The following NRG1 variants were observed in gnomAD, a reference collection of about 807,000 sequenced individuals.
NRG1 encodes pro-neuregulin-1, membrane-bound isoform.
NRG1 carries 18 observed loss-of-function variants against 63.8 expected under a neutral mutation model. The observed-to-expected ratio is 0.28, with a 90% confidence interval of 0.19 to 0.42. The LOEUF is 0.42. NRG1 is among the 10% of genes least tolerant of loss of function. NRG1 has a pLI of 1.00. For missense variants in NRG1, 762 were observed against 814.7 expected, an observed-to-expected ratio of 0.94 and a Z score of 0.79; for synonymous variants, 302 against 301.3, an observed-to-expected ratio of 1.00 and a Z score of -0.02.
At chr8:32,630,626 AGTTT>A (rs1260606783) in intron 5 of NRG1, among the ~76,000 whole-genome samples, 1 of 152,198 alleles carries the variant, frequency 6.6e-6, no homozygotes, top group Non-Finnish European at 1.5e-5. Flanking sequence ...CATAGCTTTT[AGTTT>A]AAGTTTCAGA....
chr8:32,274,223 G>C (rs1477626977), intron 1 of NRG1, among the ~76,000 whole-genome samples: 1 of 152,174 alleles, frequency 6.6e-6, no homozygotes, highest in African/African-American at 2.4e-5. Flanking sequence ...TCCTTGTGCA[G>C]TTATGTTACA....
At chr8:32,728,430 C>A (rs778195687) in intron 6 of NRG1, 2 of 985,060 alleles carry the variant, frequency 2.0e-6, no homozygotes, top group Non-Finnish European at 2.4e-6. Flanking sequence ...CTTCTACATC[C>A]AATGTATGAA....
chr8:32,217,403 T>C (rs1845360371), intron 1 of NRG1, among the ~76,000 whole-genome samples: 1 of 152,000 alleles, frequency 6.6e-6, no homozygotes, highest in Non-Finnish European at 1.5e-5. Context: ...CGTCCCCTGC[T>C]CTGCTAGTCA....
intron 1 of NRG1, among the ~76,000 whole-genome samples, chr8:31,910,561 G>A (rs532252135): frequency 6.6e-6 from 1 of 152,282 alleles, no homozygotes; most frequent in Admixed American, 6.5e-5. Flanking sequence ...GAATTCCACT[G>A]TGGAAATGTC....
intron 1 of NRG1, among the ~76,000 whole-genome samples, chr8:32,455,222 G>T (rs1018232326): frequency 9.2e-5 from 14 of 152,124 alleles, no homozygotes; most frequent in Admixed American, 9.2e-4. Flanking sequence ...TTGGCCAGAA[G>T]AAAATCACTT....
chr8:32,440,967 T>C (rs939581217), intron 1 of NRG1, among the ~76,000 whole-genome samples: 1 of 152,142 alleles, frequency 6.6e-6, no homozygotes, highest in Non-Finnish European at 1.5e-5. Context: ...AATTGTGTAT[T>C]TATTAGAAAA....
chr8:32,053,652 C>A (rs1452729511), intron 1 of NRG1, among the ~76,000 whole-genome samples: 1 of 152,124 alleles, frequency 6.6e-6, no homozygotes. Flanking sequence ...TAACAAGGGT[C>A]AAAGATTAAA....
chr8:32,174,940 C>T (rs1840530896), intron 1 of NRG1, among the ~76,000 whole-genome samples: 1 of 152,150 alleles, frequency 6.6e-6, no homozygotes, highest in African/African-American at 2.4e-5. Context: ...GAAACTATTC[C>T]AATCAATAGA....
intron 1 of NRG1, among the ~76,000 whole-genome samples, chr8:32,211,680 T>A (rs1844716171): frequency 6.6e-6 from 1 of 152,202 alleles, no homozygotes. Flanking sequence ...TTTATTTATG[T>A]TTAACATCGA....
chr8:32,305,273 T>C (rs765064126), intron 1 of NRG1, among the ~76,000 whole-genome samples: 1 of 152,214 alleles, frequency 6.6e-6, no homozygotes, highest in African/African-American at 2.4e-5. Flanking sequence ...CTTATTTTAA[T>C]GTTCAGATTG....
intron 1 of NRG1, among the ~76,000 whole-genome samples, chr8:32,325,065 A>G (rs983741907): frequency 6.6e-6 from 1 of 152,224 alleles, no homozygotes; most frequent in Non-Finnish European, 1.5e-5. Context: ...TTTTATTGTC[A>G]TCGCCATCCA....
chr8:32,654,329 T>C (rs1676417842), intron 5 of NRG1, among the ~76,000 whole-genome samples: 1 of 152,232 alleles, frequency 6.6e-6, no homozygotes, highest in Admixed American at 6.5e-5. Context: ...AGATGTCTTC[T>C]TTAGAGAAGA....
intron 1 of NRG1, among the ~76,000 whole-genome samples, chr8:32,091,452 T>G (rs927806790): frequency 3.9e-5 from 6 of 152,144 alleles, no homozygotes; most frequent in Non-Finnish European, 8.8e-5. Context: ...GGTAGTGCCG[T>G]GTGTTGATAT....
At chr8:32,206,535 C>G (rs1844083689) in intron 1 of NRG1, among the ~76,000 whole-genome samples, 1 of 152,182 alleles carries the variant, frequency 6.6e-6, no homozygotes, top group African/African-American at 2.4e-5. Flanking sequence ...CTTATTTAAT[C>G]TTAGAGATAC....
At chr8:32,081,488 A>G (rs1484670689) in intron 1 of NRG1, among the ~76,000 whole-genome samples, 1 of 152,186 alleles carries the variant, frequency 6.6e-6, no homozygotes, top group Non-Finnish European at 1.5e-5. Flanking sequence ...AGGGCAGCTG[A>G]CTTGAGTCCA....
chr8:32,109,724 C>T (rs747344404), intron 1 of NRG1, among the ~76,000 whole-genome samples: 1 of 152,068 alleles, frequency 6.6e-6, no homozygotes, highest in Non-Finnish European at 1.5e-5. Context: ...TGAAAGTTCC[C>T]CTTCAGTTCC....
chr8:31,760,203 A>G (rs1169489709), intron 1 of NRG1, among the ~76,000 whole-genome samples: 1 of 152,108 alleles, frequency 6.6e-6, no homozygotes, highest in Non-Finnish European at 1.5e-5. Context: ...TAAGTCTTTA[A>G]TCCATCTTGA....
At chr8:32,393,391 T>G (rs1037024917) in intron 1 of NRG1, among the ~76,000 whole-genome samples, 2 of 152,146 alleles carry the variant, frequency 1.3e-5, no homozygotes, top group African/African-American at 4.8e-5. Context: ...TGGGTATATA[T>G]CCAAAGGAAT....
At chr8:32,514,526 G>C (rs1224369468) in intron 1 of NRG1, among the ~76,000 whole-genome samples, 2 of 152,100 alleles carry the variant, frequency 1.3e-5, no homozygotes, top group East Asian at 3.8e-4. Context: ...CCCAAATATA[G>C]GTTACACATT....
Sources: gnomAD v4.1 joint callset for allele counts (sites outside exome capture counted in the v4.1 genomes callset) on GRCh38, gnomAD v4.1.1 for gene constraint, MANE v1.5 for transcripts, NCBI Gene and HGNC (gene_info 2026-07-23, HGNC 2026-07-21) for gene names.